AK7: variants seen among roughly 807,000 people sequenced by gnomAD.
AK7 encodes the protein adenylate kinase 7, also known as ATP-AMP transphosphorylase 7.
AK7 carries 78 observed loss-of-function variants against 96.6 expected under a neutral mutation model. The ratio of observed to expected loss-of-function variants is 0.81; its 90% confidence interval spans 0.67 to 0.97. AK7 has a LOEUF of 0.97. AK7 is among the 50% of genes least tolerant of loss of function. The probability of loss-of-function intolerance (pLI) is 0.00; values close to 1 mark genes in which losing one functional copy is unlikely to be tolerated. For missense variants in AK7, 855 were observed against 887.9 expected (o/e 0.96, Z 0.47); for synonymous variants, 302 against 317.2 (o/e 0.95, Z 0.51).
chr14:96,401,758 C>G (rs1890423477), intron 2 of AK7, among the ~76,000 whole-genome samples: 1 of 152,214 alleles, frequency 6.6e-6, no homozygotes, highest in African/African-American at 2.4e-5. Context: ...CTACCTGGCT[C>G]AACAAGTCAC....
intron 4 of AK7, among the ~76,000 whole-genome samples, chr14:96,420,222 TGTG>T (rs997220347): frequency 1.3e-5 from 2 of 151,642 alleles, no homozygotes; most frequent in Admixed American, 6.6e-5. Context: ...TATGGTTGGA[TGTG>T]GTGGTTCACG....
chr14:96,485,526 T>A (rs1373815265), intron 16 of AK7, among the ~76,000 whole-genome samples: 1 of 152,200 alleles, frequency 6.6e-6, no homozygotes, highest in Non-Finnish European at 1.5e-5. Flanking sequence ...TTGTGGTGAC[T>A]AAAGAGGTAA....
chr14:96,488,539 T>G lies in AK7; in HGVS notation c.*196T>G, dbSNP rs547949530. The G allele has an allele frequency of 2.0e-6, 1 of 510,904 alleles. No individual in the cohort carries two copies. Among genetic ancestry groups the G allele is most frequent in the Non-Finnish European group, 3.5e-6 (1 of 285,824 alleles). 31.6% of individuals were successfully genotyped at this position (510,904 alleles called of 1,614,324 possible). On this transcript the variant is annotated 3_prime_UTR_variant, in exon 18 of 18. Transcript: ENST00000267584. ...TTAAAACTATATTTGAAATGTAAAT[T>G]GATAAAGACATTTGTGCATAGCTCA... is the stretch of plus-strand genomic sequence containing the variant.
chr14:96,429,173 T>C (rs1892200006), intron 5 of AK7, among the ~76,000 whole-genome samples: 1 of 133,408 alleles, frequency 7.5e-6, no homozygotes, highest in South Asian at 2.1e-4. Context: ...TTTCAGCTTT[T>C]AGATATGGCT....
intron 4 of AK7, among the ~76,000 whole-genome samples, chr14:96,413,638 C>T (rs1215185870): frequency 2.0e-5 from 3 of 152,178 alleles, no homozygotes; most frequent in Admixed American, 1.3e-4. Context: ...CCCACATCTT[C>T]GTAAACAGTC....
intron 2 of AK7, among the ~76,000 whole-genome samples, chr14:96,402,343 G>A (rs796888744): frequency 3.3e-5 from 5 of 152,228 alleles, no homozygotes; most frequent in African/African-American, 1.2e-4. Flanking sequence ...AGTCCCCATC[G>A]GGTCAGGACA....
At chr14:96,413,646 G>A (rs1481970518) in intron 4 of AK7, among the ~76,000 whole-genome samples, 1 of 152,186 alleles carries the variant, frequency 6.6e-6, no homozygotes, top group Admixed American at 6.5e-5. Context: ...TTCGTAAACA[G>A]TCCTGTTATT....
chr14:96,424,240 G>T, intron 5 of AK7: 1 of 439,218 alleles, frequency 2.3e-6, no homozygotes, highest in Admixed American at 4.4e-5. Flanking sequence ...GGAGCGCGCA[G>T]CCGGGAGTGC....
At chr14:96,481,521 T>A (rs556770015) in intron 15 of AK7, among the ~76,000 whole-genome samples, 1 of 151,428 alleles carries the variant, frequency 6.6e-6, no homozygotes, top group Admixed American at 6.6e-5. Context: ...AATTTTTGTG[T>A]TTTTGGTAGA....
Position 96,471,465 on chromosome 14 carries a change from GT to G in AK7, c.1358-6del, listed in dbSNP as rs749320608. 8 of 1,330,924 alleles carry G rather than the reference GT, an allele frequency of 6.0e-6. No homozygotes were observed. The highest frequency in any genetic ancestry group is 7.2e-6 in the Non-Finnish European group (7 of 972,098). 82.4% of individuals were successfully genotyped at this position (1,330,924 alleles called of 1,614,324 possible). On this transcript the variant is annotated splice_polypyrimidine_tract_variant and intron_variant, in intron 12 of 17. Coordinates refer to ENST00000267584, the MANE Select transcript of AK7 (RefSeq NM_152327.5). ...CATTATAAGTAATATATACATATAT[GT>G]TTTTTTATCAGGTCAACTAGACGAT... is the stretch of plus-strand genomic sequence containing the variant.
chr14:96,460,203 G>A (rs956152717), intron 12 of AK7, among the ~76,000 whole-genome samples: 12 of 152,200 alleles, frequency 7.9e-5, no homozygotes, highest in African/African-American at 2.7e-4. Context: ...GCTACCTGCA[G>A]GAAAGCAGTC....
At position 96,442,790 on chromosome 14, in the gene AK7, C is replaced by A. The variant is rs1436508483; in HGVS notation, c.751C>A (p.Pro251Thr). 1.9e-6 allele frequency: 3 copies of A among 1,614,102 alleles called. No individual in the cohort carries two copies. Among genetic ancestry groups the A allele is most frequent in the South Asian group, 1.1e-5 (1 of 91,084 alleles). The change falls in exon 7 of 18, where the codon CCA (proline) becomes ACA (threonine). Residue 251 changes from proline (P) to threonine (T), a missense_variant. Transcript: ENST00000267584. ...TTTTGGCGATGGAACAAATGTAATTCCAACAATCCATGTTCTTGATCTAGC... is the reference window on the plus strand; with the variant it reads ...TTTTGGCGATGGAACAAATGTAATTACAACAATCCATGTTCTTGATCTAGC... ...PVFGDGTNVI[P>T]TIHVLDLAGV...
At chr14:96,404,254 G>A (rs1890583279) in intron 2 of AK7, among the ~76,000 whole-genome samples, 1 of 150,322 alleles carries the variant, frequency 6.7e-6, no homozygotes, top group Admixed American at 6.6e-5. Flanking sequence ...AAAAGTTTCT[G>A]TATTTTTAAA....
chr14:96,469,987 T>C (rs960256222), intron 12 of AK7, among the ~76,000 whole-genome samples: 2 of 151,920 alleles, frequency 1.3e-5, no homozygotes, highest in African/African-American at 4.8e-5. Flanking sequence ...CCGGCTAATT[T>C]TGTATTTTTA....
chr14:96,429,897 G>A (rs1405199355), intron 5 of AK7, among the ~76,000 whole-genome samples: 1 of 152,154 alleles, frequency 6.6e-6, no homozygotes, highest in Non-Finnish European at 1.5e-5. Flanking sequence ...ATATAATCAT[G>A]TCATCTGCAA....
Position 96,486,912 on chromosome 14 carries a change from G to A in AK7, c.1989G>A (p.Glu663=). The change falls in exon 17 of 18, where the codon GAG becomes GAA. Residue 663 remains glutamate, a synonymous_variant. Transcript: ENST00000267584. ...TTCTATTTTAGAATAAACGACTGGA[G>A]GAAGTGAAAAGAGAAGAAAGAGAAT... ...ARWEEWNKRL[E]EVKREERELL... is the part of the protein sequence containing the mutation. The A allele has an allele frequency of 6.2e-7, 1 of 1,613,728 alleles. No homozygotes were observed. Among genetic ancestry groups the A allele is most frequent in the Non-Finnish European group, 8.5e-7 (1 of 1,179,822 alleles).
rs1218462301 is a variant in AK7 at position 96,478,678 on chromosome 14, A to G, written c.1753+16A>G. On this transcript the variant is annotated intron_variant, in intron 15 of 17. Coordinates refer to ENST00000267584, the MANE Select transcript of AK7 (RefSeq NM_152327.5). Reference sequence around the variant, plus strand: ...ATACATATTGGTATGAAATGAATTCAAGGATAATGTGAATGTCCAGGACCC... The same window carrying G: ...ATACATATTGGTATGAAATGAATTCGAGGATAATGTGAATGTCCAGGACCC... 4 of 1,611,886 alleles carry G rather than the reference A, an allele frequency of 2.5e-6. No homozygotes were observed. The highest frequency in any genetic ancestry group is 3.4e-6 in the Non-Finnish European group (4 of 1,178,638).
intron 15 of AK7, among the ~76,000 whole-genome samples, chr14:96,481,972 A>G (rs1438484128): frequency 6.6e-6 from 1 of 152,152 alleles, no homozygotes; most frequent in East Asian, 1.9e-4. Flanking sequence ...CTGAGATTAC[A>G]GGTGTGAGCC....
At position 96,418,322 on chromosome 14, in the gene AK7, TAA is replaced by T. The variant is rs6145458; in HGVS notation, c.499-2486_499-2485del. On this transcript the variant is annotated intron_variant, in intron 4 of 17. Coordinates refer to ENST00000267584, the MANE Select transcript of AK7 (RefSeq NM_152327.5). ...CTGGGCAACAGAGTGAGACCTTGTC[TAA>T]AAAAAAAAAAAAAGGCTTCAAATCC... Among the ~76,000 whole-genome samples the T allele has an allele frequency of 4.3e-4, 18 of 41,806 alleles. 1 individual carries two copies. Among genetic ancestry groups the T allele is most frequent in the East Asian group, 4.8e-3 (2 of 414 alleles). 27.4% of individuals were successfully genotyped at this position (41,806 alleles called of 152,430 possible).
Sources: gnomAD v4.1 joint callset for allele counts (sites outside exome capture counted in the v4.1 genomes callset) on GRCh38, gnomAD v4.1.1 for gene constraint, MANE v1.5 for transcripts, NCBI Gene and HGNC (gene_info 2026-07-23, HGNC 2026-07-21) for gene names.